Variants in KLHL8 observed in about 807,000 individuals in gnomAD.
KLHL8 encodes the protein kelch like family member 8, also known as kelch-like protein 8.
KLHL8 carries 38 observed loss-of-function variants against 63.5 expected under a neutral mutation model. The observed-to-expected ratio is 0.60, with a 90% CI of 0.46 to 0.78. The LOEUF (loss-of-function observed/expected upper bound fraction) is 0.78. Among genes scored for constraint, KLHL8 ranks in the 30% least tolerant of loss-of-function variants. The pLI is 0.00. For synonymous variants in KLHL8, 224 were observed against 254.3 expected (o/e 0.88, Z 1.13); for missense variants, 566 against 752.4 (o/e 0.75, Z 2.90).
intron 6 of KLHL8, 36 bp downstream of exon 6, chr4:87,176,719 CCA>C (rs764286087): frequency 2.6e-5 from 31 of 1,173,010 alleles, no homozygotes; most frequent in Non-Finnish European, 3.9e-5. Flanking sequence ...AACTTTATTT[CCA>C]CCATCAGTTC....
chr4:87,236,395 G>A (rs562858195), intron 1 of KLHL8, among the ~76,000 whole-genome samples: 1 of 151,670 alleles, frequency 6.6e-6, no homozygotes, highest in Non-Finnish European at 1.5e-5. Flanking sequence ...TTTTGGTAGA[G>A]ACGGGATTTC....
rs893886773 is a variant in KLHL8, at chr4:87,161,922, T to G, written c.*1597A>C. The G allele has an allele frequency of 6.6e-6, 1 of 150,534 alleles. No individual in the cohort carries two copies. Among genetic ancestry groups the G allele is most frequent in the Non-Finnish European group, 1.5e-5 (1 of 67,482 alleles). The allele number at this position is 150,534 out of a possible 1,614,324, so 9.3% of individuals were successfully genotyped here. A position where few individuals can be genotyped will look rare whatever the true frequency, so the allele number is the denominator to read the frequency against. ...CTGCCAGCCTGACCCCTCTTAAAAC[T>G]TTTTTTTTTCTTTTTTGGTTTGATA... On this transcript the variant is annotated 3_prime_UTR_variant, in exon 10 of 10. Coordinates refer to ENST00000273963, the MANE Select transcript of KLHL8 (RefSeq NM_020803.5).
intron 1 of KLHL8, among the ~76,000 whole-genome samples, chr4:87,235,049 AGC>A (rs1733202887): frequency 3.3e-5 from 5 of 152,212 alleles, no homozygotes; most frequent in Non-Finnish European, 5.9e-5. Flanking sequence ...AATTACAGTA[AGC>A]TAGGGTTGGT....
intron 3 of KLHL8, among the ~76,000 whole-genome samples, chr4:87,184,543 A>G (rs1731177538): frequency 6.6e-6 from 1 of 152,198 alleles, no homozygotes; most frequent in Non-Finnish European, 1.5e-5. Context: ...TTTAGAAAAA[A>G]TAAGTAAATA....
intron 1 of KLHL8, among the ~76,000 whole-genome samples, chr4:87,204,911 GTGA>G (rs978869781): frequency 1.3e-5 from 2 of 151,968 alleles, no homozygotes; most frequent in African/African-American, 2.4e-5. Context: ...ATTGATTTGG[GTGA>G]TGATTAGATA....
At chr4:87,237,398 G>A (rs566517746) in intron 1 of KLHL8, among the ~76,000 whole-genome samples, 14 of 152,118 alleles carry the variant, frequency 9.2e-5, no homozygotes, top group African/African-American at 3.1e-4. Context: ...TTGTTTAACT[G>A]TTATCAGTAG....
chr4:87,207,268 G>C (rs751530638), intron 1 of KLHL8: 4 of 577,496 alleles, frequency 6.9e-6, no homozygotes, highest in Non-Finnish European at 1.3e-5. Flanking sequence ...CACCGTAAAG[G>C]CTGAGAATGG....
At chr4:87,183,168 T>A in intron 4 of KLHL8, 35 bp downstream of exon 4, 1 of 1,488,594 alleles carries the variant, frequency 6.7e-7, no homozygotes, top group Non-Finnish European at 9.1e-7. Context: ...ACAACAAAGA[T>A]CCTTCCAGGA....
chr4:87,206,543 C>T (rs1732138843), intron 1 of KLHL8, among the ~76,000 whole-genome samples: 1 of 152,166 alleles, frequency 6.6e-6, no homozygotes, highest in Admixed American at 6.5e-5. Flanking sequence ...TAAGCATCAC[C>T]TTATGGATGG....
chr4:87,221,858 C>T (rs1272651908), upstream of KLHL8, among the ~76,000 whole-genome samples: 1 of 151,994 alleles, frequency 6.6e-6, no homozygotes, highest in African/African-American at 2.4e-5. Flanking sequence ...AATGCAAATA[C>T]CTTTAGAAAA....
At chr4:87,170,406 T>C in intron 7 of KLHL8, 41 bp downstream of exon 7, 2 of 1,558,746 alleles carry the variant, frequency 1.3e-6, no homozygotes. Context: ...GTTATGAATG[T>C]AATGCAATGT....
chr4:87,198,236 C>T (rs1157101225), intron 1 of KLHL8, among the ~76,000 whole-genome samples: 1 of 152,162 alleles, frequency 6.6e-6, no homozygotes, highest in Non-Finnish European at 1.5e-5. Flanking sequence ...ACAAGAATCA[C>T]TTGAACCCGG....
intron 2 of KLHL8, among the ~76,000 whole-genome samples, chr4:87,193,880 C>A (rs1731589887): frequency 6.6e-6 from 1 of 152,118 alleles, no homozygotes; most frequent in African/African-American, 2.4e-5. Context: ...CATGATTATA[C>A]CCCTTTCTGA....
At chr4:87,203,032 G>GTCTAC (rs1265134595) in intron 1 of KLHL8, among the ~76,000 whole-genome samples, 1 of 152,062 alleles carries the variant, frequency 6.6e-6, no homozygotes, top group Non-Finnish European at 1.5e-5. Context: ...CATATTACCA[G>GTCTAC]CATATTAAAC....
At chr4:87,170,289 T>C in intron 7 of KLHL8, 51 bp from the exon 8 acceptor site, 1 of 1,551,902 alleles carries the variant, frequency 6.4e-7, no homozygotes, top group South Asian at 1.2e-5. Context: ...TTTATTTATA[T>C]ATTGTTTTAA....
intron 1 of KLHL8, among the ~76,000 whole-genome samples, chr4:87,226,124 A>G (rs1417259227): frequency 6.6e-6 from 1 of 152,190 alleles, no homozygotes; most frequent in Non-Finnish European, 1.5e-5. Context: ...CTATTTTTGA[A>G]ACATGTGCCA....
chr4:87,173,318 T>C (rs1467495517), intron 6 of KLHL8, among the ~76,000 whole-genome samples: 1 of 152,230 alleles, frequency 6.6e-6, no homozygotes, highest in Non-Finnish European at 1.5e-5. Context: ...ATGTAAGCTA[T>C]ACAGAGGCAG....
At chr4:87,200,491 T>C (rs574854951) in intron 1 of KLHL8, among the ~76,000 whole-genome samples, 1 of 152,366 alleles carries the variant, frequency 6.6e-6, no homozygotes, top group Admixed American at 6.5e-5. Flanking sequence ...TTTCAATCCA[T>C]GTTTGGTTGA....
intron 1 of KLHL8, among the ~76,000 whole-genome samples, chr4:87,215,761 A>G (rs1410432539): frequency 1.3e-5 from 2 of 152,222 alleles, no homozygotes; most frequent in Admixed American, 1.3e-4. Context: ...AAAAAAGCAA[A>G]TAAGTTTTAA....
Sources: allele counts gnomAD v4.1 joint callset (sites outside exome capture counted in the v4.1 genomes callset), GRCh38; gene constraint gnomAD v4.1.1; transcripts MANE v1.5; gene names NCBI Gene and HGNC (gene_info 2026-07-23, HGNC 2026-07-21).